The following MUC4 variants were observed in gnomAD, a reference collection of about 807,000 sequenced individuals.
MUC4 encodes mucin 4, cell surface associated.
A neutral mutation model predicts 257.9 loss-of-function variants in MUC4; 202 were observed. The ratio of observed to expected loss-of-function variants is 0.78; its 90% CI spans 0.70 to 0.88. The LOEUF (loss-of-function observed/expected upper bound fraction) is 0.88, where lower values mean the gene tolerates loss of function less well. MUC4 is among the 40% of genes least tolerant of loss of function. The pLI is 0.00. For missense variants in MUC4, 5,976 were observed against 6,513.7 expected, an observed-to-expected ratio of 0.92 and a Z score of 2.84; for synonymous variants, 2,351 against 2,757.1, an observed-to-expected ratio of 0.85 and a Z score of 4.62.
At position 195,788,005 on chromosome 3, in the gene MUC4, G is replaced by C. The variant is rs1181202036; in HGVS notation, c.3575C>G (p.Ser1192Ter). 2.8e-6 allele frequency: 4 copies of C among 1,404,218 alleles called. No individual in the cohort carries two copies. The highest frequency in any genetic ancestry group is 5.3e-5 in the East Asian group (2 of 37,490). The allele number at this position is 1,404,218 out of a possible 1,614,324, so 87.0% of individuals were successfully genotyped here. The part of the protein sequence containing the change: ...TTPLPVTSPS[S>*]ASTGHATPLL... ...AGGGGTGGCGTGACCTGTGGATGCT[G>C]AGGAAGGGCTAGTGACAGGAAGAGG... Residue 1192 changes from serine to a stop codon, truncating the protein, a stop_gained, in exon 2 of 25, where the codon TCA becomes TGA. Transcript: ENST00000463781. LOFTEE classifies it high-confidence loss of function.
chr3:195,801,210 G>C (rs2550268), intron 1 of MUC4, among the ~76,000 whole-genome samples: 1 of 151,694 alleles, frequency 6.6e-6, no homozygotes, highest in Non-Finnish European at 1.5e-5. Context: ...GGCCCTTCAG[G>C]TTCCGTCAGA....
At chr3:195,806,136 T>A (rs945719912) in intron 1 of MUC4, among the ~76,000 whole-genome samples, 18 of 152,072 alleles carry the variant, frequency 1.2e-4, no homozygotes, top group Non-Finnish European at 8.8e-5. Context: ...ATAAATAAAA[T>A]AACATAAAAT....
At position 195,783,356 on chromosome 3, in the gene MUC4, T is replaced by C. The variant is rs1376301479; in HGVS notation, c.8224A>G (p.Thr2742Ala). 17,110 of 717,694 alleles carry C rather than the reference T, an allele frequency of 0.024. 491 individuals are homozygous for C. Among genetic ancestry groups the C allele is most frequent in the African/African-American group, 0.054 (1,080 of 19,958 alleles). 44.5% of individuals were successfully genotyped at this position (717,694 alleles called of 1,614,324 possible). A position where few individuals can be genotyped will look rare whatever the true frequency, so the allele number is the denominator to read the frequency against. The change falls in exon 2 of 25, where the codon ACT (threonine) becomes GCT (alanine). Residue 2742 changes from threonine to alanine, a missense_variant. Physicochemically the swap from Thr to Ala is moderately conservative, Grantham distance 58. Around this residue, in one of 44 missense-constraint regions of MUC4, gnomAD observed 75 missense variants for 58.7 expected, o/e 1.28. Coordinates refer to ENST00000463781, the MANE Select transcript of MUC4 (RefSeq NM_018406.7). ...GDTTPLLVTE[T>A]SSVSTGDTTP... ...GTGTCACCTGTGGATACTGAGGAAG[T>C]CTCGGTGACAAGAAGAGGGGTGGTG...
Position 195,783,355 on chromosome 3 carries a change from G to C in MUC4, c.8225C>G (p.Thr2742Ser), listed in dbSNP as rs1560342971. ...GGTGTCACCTGTGGATACTGAGGAA[G>C]TCTCGGTGACAAGAAGAGGGGTGGT... ...GDTTPLLVTETSSVSTGDTTP... is the reference protein window; with the variant it reads ...GDTTPLLVTESSSVSTGDTTP... Residue 2742 changes from threonine (T) to serine (S), a missense_variant, in exon 2 of 25, where the codon ACT becomes AGT. By Grantham distance (58) the Thr-to-Ser change is moderately conservative. Transcript: ENST00000463781. 1.0e-6 allele frequency: 1 copy of C among 999,672 alleles called. No homozygotes were observed. The highest frequency in any genetic ancestry group is 1.4e-6 in the Non-Finnish European group (1 of 721,254). The allele number at this position is 999,672 out of a possible 1,614,324, so 61.9% of individuals were successfully genotyped here.
rs771685992 is a variant in MUC4 at position 195,782,053 on chromosome 3, G to T, written c.9527C>A (p.Ser3176Ter). 1.8e-4 allele frequency: 262 copies of T among 1,426,040 alleles called. 1 individual carries two copies. The highest frequency in any genetic ancestry group is 2.1e-4 in the Non-Finnish European group (230 of 1,073,230). The allele number at this position is 1,426,040 out of a possible 1,614,324, so 88.3% of individuals were successfully genotyped here. ...AGGCGTGGTGTCACCTGTGGATACT[G>T]AGGAAAGGCTGGTGACAGGAAGAGG... is the stretch of plus-strand genomic sequence containing the variant. ...ATPLPVTSLS[S>*]VSTGDTTPLP... The change falls in exon 2 of 25, where the codon TCA becomes TAA. Residue 3176 changes from serine (S) to a stop codon, truncating the protein, a stop_gained. Coordinates refer to ENST00000463781, the MANE Select transcript of MUC4 (RefSeq NM_018406.7). LOFTEE classifies it high-confidence loss of function.
intron 3 of MUC4, among the ~76,000 whole-genome samples, chr3:195,774,792 C>T (rs920424870): frequency 2.0e-5 from 3 of 149,390 alleles, no homozygotes; most frequent in Admixed American, 6.7e-5. Flanking sequence ...CCCAGCCACT[C>T]GGGAGGCTGA....
rs890187013 is a variant in MUC4 at position 195,770,448 on chromosome 3, G to C, written c.13243-77C>G. 2.7e-5 allele frequency: 42 copies of C among 1,560,382 alleles called. No homozygotes were observed. In the Admixed American group the frequency reaches 7.3e-4, roughly 27 times the overall value. ...CATGGGCCCCCCACTTTCTGCCTGA[G>C]GACCCTGCCCACTTCAGCCCACCCA... On this transcript the variant is annotated intron_variant, in intron 5 of 24. Transcript: ENST00000463781.
chr3:195,761,380 T>C, intron 15 of MUC4, 104 bp downstream of exon 15: 2 of 1,026,392 alleles, frequency 1.9e-6, no homozygotes, highest in Non-Finnish European at 3.0e-6. Flanking sequence ...TCCTCAGACC[T>C]TAGGGAGGAT....
rs756362197 is a variant in MUC4 at position 195,753,107 on chromosome 3, AAGGCTGGGGGGCAGGTGC to A, written c.15434_15451del (p.Cys5145_Ala5150del). On this transcript the variant is annotated inframe_deletion, in exon 20 of 25. Coordinates refer to ENST00000463781, the MANE Select transcript of MUC4 (RefSeq NM_018406.7). The stretch of plus-strand genomic sequence containing the variant: ...AGCCAGGAAGCAGCGGCTGTCAGTG[AAGGCTGGGGGGCAGGTGC>A]ACATGGGCTGACAGCCCAGAGTCTG... 3 of 1,611,144 alleles carry A rather than the reference AAGGCTGGGGGGCAGGTGC, an allele frequency of 1.9e-6. No homozygotes were observed. The highest frequency in any genetic ancestry group is 3.4e-5 in the Admixed American group (2 of 59,578).
At chr3:195,801,676 C>T (rs1305292831) in intron 1 of MUC4, among the ~76,000 whole-genome samples, 4 of 152,132 alleles carry the variant, frequency 2.6e-5, no homozygotes, top group African/African-American at 7.2e-5. Context: ...TCACTCACTT[C>T]GCTCAAGCCG....
intron 1 of MUC4, among the ~76,000 whole-genome samples, chr3:195,795,073 CCTG>C (rs2149051994): frequency 6.6e-6 from 1 of 152,310 alleles, no homozygotes; most frequent in East Asian, 1.9e-4. Context: ...AAACTCGATG[CCTG>C]CTTTCTCCTA....
intron 16 of MUC4, 141 bp from the exon 17 acceptor site, chr3:195,759,402 C>G: frequency 8.4e-7 from 1 of 1,184,692 alleles, no homozygotes; most frequent in South Asian, 1.4e-5. Context: ...ATTCTGTGTA[C>G]CTGCTCTCGA....
At chr3:195,748,068 C>G (rs1450810379) in intron 24 of MUC4, among the ~76,000 whole-genome samples, 1 of 152,174 alleles carries the variant, frequency 6.6e-6, no homozygotes, top group South Asian at 2.1e-4. Context: ...GGAACTGCAG[C>G]TGGCGGAGGG....
rs200358429 is a variant in MUC4 at position 195,788,016 on chromosome 3, A to C, written c.3564T>G (p.Thr1188=). ...STGDTTPLPV[T]SPSSASTGHA... is the part of the protein sequence containing the mutation. ...GACCTGTGGATGCTGAGGAAGGGCT[A>C]GTGACAGGAAGAGGCGTGGTGTCAC... is the stretch of plus-strand genomic sequence containing the variant. The change falls in exon 2 of 25, where the codon ACT becomes ACG. Residue 1188 remains threonine, a synonymous_variant. Coordinates refer to ENST00000463781, the MANE Select transcript of MUC4 (RefSeq NM_018406.7). 2.0e-6 allele frequency: 2 copies of C among 1,017,530 alleles called. No homozygotes were observed. The highest frequency in any genetic ancestry group is 1.3e-6 in the Non-Finnish European group (1 of 769,892). The allele number at this position is 1,017,530 out of a possible 1,614,324, so 63.0% of individuals were successfully genotyped here. A position where few individuals can be genotyped will look rare whatever the true frequency, so the allele number is the denominator to read the frequency against.
At position 195,763,529 on chromosome 3, in the gene MUC4, C is replaced by T. The variant is rs1442910012; in HGVS notation, c.14157G>A (p.Leu4719=). The part of the protein sequence containing the change: ...VGAQDGNSSF[L]LQGRTAQTGS... ...CAGTCTGGGCGGTGCGGCCCTGAAG[C>T]AGGAAGGAGGAGTTCCCGTCTTGGG... The change falls in exon 12 of 25, where the codon CTG becomes CTA. Residue 4719 remains leucine (L), a synonymous_variant. Transcript: ENST00000463781. 3.2e-6 allele frequency: 5 copies of T among 1,579,026 alleles called. No individual in the cohort carries two copies. Among genetic ancestry groups the T allele is most frequent in the Non-Finnish European group, 4.3e-6 (5 of 1,161,490 alleles).
In MUC4 at chr3:195,807,417, G is replaced by A. The variant is rs553416523; in HGVS notation, c.82+4319C>T. Among the ~76,000 whole-genome samples the A allele has an allele frequency of 4.6e-5, 7 of 152,230 alleles. No homozygotes were observed. The East Asian group carries it at 1.4e-3, about 29-fold the overall frequency. ...CGGGAGGCAGAGGCTGCACTGAGCT[G>A]AGACCACGCCACTGCACTGCAGCCT... On this transcript the variant is annotated intron_variant, in intron 1 of 24. Transcript: ENST00000463781.
In MUC4 at chr3:195,787,345, G is replaced by T; in HGVS notation, c.4235C>A (p.Thr1412Asn). The change falls in exon 2 of 25, where the codon ACC (threonine) becomes AAC (asparagine). Residue 1412 changes from threonine to asparagine, a missense_variant. Coordinates refer to ENST00000463781, the MANE Select transcript of MUC4 (RefSeq NM_018406.7). ...TCCTGTGGATGCTGAGGAAGTGTCG[G>T]TGACAAGAAGAGGGGTGGCGTGACC... ...STGHATPLLVTDTSSASTGHA... is the reference protein window; with the variant it reads ...STGHATPLLVNDTSSASTGHA... The T allele has an allele frequency of 5.6e-6, 4 of 720,202 alleles. No individual in the cohort carries two copies. The highest frequency in any genetic ancestry group is 5.0e-5 in the South Asian group (3 of 59,696). 44.6% of individuals were successfully genotyped at this position (720,202 alleles called of 1,614,324 possible).
Position 195,781,629 on chromosome 3 carries a change from G to GC in MUC4, c.9950_9951insG (p.Asp3317GlufsTer25), listed in dbSNP as rs1728110140. ...CGTGACCTGTGGATGCTGAGGAAGC[G>GC]TCGGTGACAAGAAGAGGAGTGGCGT... is the stretch of plus-strand genomic sequence containing the variant. On this transcript the variant is annotated frameshift_variant, in exon 2 of 25. Transcript: ENST00000463781. LOFTEE classifies it high-confidence loss of function. 48 of 426,152 alleles carry GC rather than the reference G, an allele frequency of 1.1e-4. No individual in the cohort carries two copies. Among genetic ancestry groups the GC allele is most frequent in the Non-Finnish European group, 1.3e-4 (43 of 318,820 alleles). 26.4% of individuals were successfully genotyped at this position (426,152 alleles called of 1,614,324 possible).
chr3:195,763,672 A>G (rs1194217994), intron 11 of MUC4, 31 bp from the exon 12 acceptor site: 5 of 1,461,676 alleles, frequency 3.4e-6, no homozygotes, highest in Middle Eastern at 1.8e-4. Flanking sequence ...CTGCCTCAGC[A>G]TGACAAATCA....
Sources: allele counts gnomAD v4.1 joint callset (sites outside exome capture counted in the v4.1 genomes callset), GRCh38; gene constraint gnomAD v4.1.1; regional missense constraint gnomAD v4.1.1; transcripts MANE v1.5; gene names NCBI Gene and HGNC (gene_info 2026-07-23, HGNC 2026-07-21).